Variants in RNASEH2B observed in about 807,000 individuals in gnomAD.
The protein encoded by RNASEH2B is ribonuclease H2 subunit B.
A neutral mutation model predicts 45.0 loss-of-function variants in RNASEH2B; 36 were observed. The ratio of observed to expected loss-of-function variants is 0.80; its 90% confidence interval spans 0.61 to 1.06. The LOEUF (loss-of-function observed/expected upper bound fraction) is 1.06, where lower values mean the gene tolerates loss of function less well. RNASEH2B is among the 50% of genes least tolerant of loss of function. The pLI, the probability that RNASEH2B is intolerant of heterozygous loss-of-function variation, is 0.00. For synonymous variants in RNASEH2B, 119 were observed against 125.7 expected, an observed-to-expected ratio of 0.95 and a Z score of 0.35; for missense variants, 361 against 360.3, an observed-to-expected ratio of 1.00 and a Z score of -0.02.
intron 9 of RNASEH2B, among the ~76,000 whole-genome samples, chr13:50,966,429 T>G (rs1336007151): frequency 6.6e-6 from 1 of 152,240 alleles, no homozygotes; most frequent in Non-Finnish European, 1.5e-5. Flanking sequence ...GTGCCAAGTT[T>G]GGGAAAGCTT....
At position 50,956,624 on chromosome 13, in the gene RNASEH2B, C is replaced by A; in HGVS notation, c.*150C>A. On this transcript the variant is annotated 3_prime_UTR_variant, in exon 11 of 11. Transcript: ENST00000336617. Reference sequence around the variant, plus strand: ...TTTCTTTGCATTTGGTTTTTGTGTTCCTGAACAAAATATGGGAAAGTGTCT... The same window carrying A: ...TTTCTTTGCATTTGGTTTTTGTGTTACTGAACAAAATATGGGAAAGTGTCT... 1 of 1,449,046 alleles carries A rather than the reference C, an allele frequency of 6.9e-7. No homozygotes were observed. The highest frequency in any genetic ancestry group is 1.3e-5 in the South Asian group (1 of 75,802). The allele number at this position is 1,449,046 out of a possible 1,614,324, so 89.8% of individuals were successfully genotyped here.
intron 6 of RNASEH2B, among the ~76,000 whole-genome samples, chr13:50,943,864 G>A (rs921724303): frequency 1.3e-5 from 2 of 152,152 alleles, no homozygotes; most frequent in Non-Finnish European, 2.9e-5. Context: ...CATCTTACAG[G>A]CAAACCCTGT....
chr13:50,952,074 G>T (rs559743007), intron 9 of RNASEH2B: 3 of 152,280 alleles, frequency 2.0e-5, no homozygotes, highest in African/African-American at 7.2e-5. Context: ...GCAGAAGGTC[G>T]CTTGAGCCCA....
intron 5 of RNASEH2B, chr13:50,941,996 A>G (rs1471966394): frequency 6.6e-6 from 1 of 152,222 alleles, no homozygotes; most frequent in Non-Finnish European, 1.5e-5. Context: ...TCTCCCATAC[A>G]GTTTAACAGA....
intron 7 of RNASEH2B, among the ~76,000 whole-genome samples, chr13:50,945,953 A>G (rs576636276): frequency 2.0e-5 from 3 of 152,184 alleles, no homozygotes; most frequent in African/African-American, 7.2e-5. Context: ...CTACTTATGG[A>G]GCTTGTCTCT....
chr13:50,958,925 A>G (rs896776437), downstream of RNASEH2B, among the ~76,000 whole-genome samples: 2 of 152,082 alleles, frequency 1.3e-5, no homozygotes, highest in African/African-American at 4.8e-5. Context: ...TATTTCATGG[A>G]AAGTTTATAA....
intron 1 of RNASEH2B, among the ~76,000 whole-genome samples, chr13:50,920,325 A>G (rs1217841260): frequency 2.0e-5 from 3 of 152,168 alleles, no homozygotes; most frequent in African/African-American, 7.2e-5. Flanking sequence ...TGGGATTACA[A>G]GTGTGAGCCA....
intron 4 of RNASEH2B, 36 bp from the exon 5 acceptor site, chr13:50,934,849 A>G: frequency 7.2e-7 from 1 of 1,385,084 alleles, no homozygotes; most frequent in South Asian, 1.2e-5. Flanking sequence ...TCTTTGTTGA[A>G]TGAAATGCTT....
chr13:50,964,969 C>T (rs1952150294), intron 9 of RNASEH2B, among the ~76,000 whole-genome samples: 1 of 152,194 alleles, frequency 6.6e-6, no homozygotes, highest in African/African-American at 2.4e-5. Context: ...TCAGTACTCT[C>T]CATACCATTT....
In RNASEH2B at chr13:50,956,651, A is replaced by G. The variant is rs1251546789; in HGVS notation, c.*177A>G. The G allele has an allele frequency of 7.2e-7, 1 of 1,390,222 alleles. No individual in the cohort carries two copies. Among genetic ancestry groups the G allele is most frequent in the East Asian group, 3.0e-5 (1 of 32,922 alleles). The allele number at this position is 1,390,222 out of a possible 1,614,324, so 86.1% of individuals were successfully genotyped here. A position where few individuals can be genotyped will look rare whatever the true frequency, so the allele number is the denominator to read the frequency against. On this transcript the variant is annotated 3_prime_UTR_variant, in exon 11 of 11. Transcript: ENST00000336617. ...TGAACAAAATATGGGAAAGTGTCTA[A>G]CTTCATGGCTATGGCCTTTTGGAGT...
chr13:50,964,743 C>A (rs1411449413), intron 9 of RNASEH2B, among the ~76,000 whole-genome samples: 1 of 152,172 alleles, frequency 6.6e-6, no homozygotes, highest in Non-Finnish European at 1.5e-5. Flanking sequence ...CTTTATCTAC[C>A]TTTAAAGTGC....
chr13:50,927,315 A>G, intron 1 of RNASEH2B, 92 bp from the exon 2 acceptor site: 1 of 791,136 alleles, frequency 1.3e-6, no homozygotes, highest in Non-Finnish European at 2.2e-6. Context: ...TACAAAAGTC[A>G]TATAAGTAGA....
intron 6 of RNASEH2B, 49 bp from the exon 7 acceptor site, chr13:50,945,378 A>AAAGTT (rs763470120): frequency 1.5e-6 from 2 of 1,319,014 alleles, no homozygotes; most frequent in South Asian, 2.4e-5. Flanking sequence ...ATAGATTTCT[A>AAAGTT]AAGTTAAGTT....
At chr13:50,963,521 C>T (rs1190950471) in intron 9 of RNASEH2B, among the ~76,000 whole-genome samples, 1 of 152,042 alleles carries the variant, frequency 6.6e-6, no homozygotes, top group Non-Finnish European at 1.5e-5. Context: ...TATGTCTTCC[C>T]GTATCTGTTC....
At chr13:50,918,726 T>A (rs1426791321) in intron 1 of RNASEH2B, among the ~76,000 whole-genome samples, 2 of 152,174 alleles carry the variant, frequency 1.3e-5, no homozygotes, top group Non-Finnish European at 2.9e-5. Flanking sequence ...GCATGCATTG[T>A]ATTTGTGTCC....
intron 1 of RNASEH2B, 104 bp downstream of exon 1, chr13:50,910,244 C>A (rs959674825): frequency 1.6e-4 from 122 of 747,014 alleles, no homozygotes; most frequent in Non-Finnish European, 2.3e-4. Flanking sequence ...ACTACCCGGC[C>A]CGGCGCGGGA....
chr13:50,954,021 A>C (rs1445784880), intron 10 of RNASEH2B, 36 bp downstream of exon 10: 1 of 1,269,796 alleles, frequency 7.9e-7, no homozygotes, highest in East Asian at 2.3e-5. Context: ...TTTCGTTCAT[A>C]CTCAGTGCGT....
At chr13:50,921,898 G>C (rs939158885) in intron 1 of RNASEH2B, among the ~76,000 whole-genome samples, 1 of 152,184 alleles carries the variant, frequency 6.6e-6, no homozygotes, top group Admixed American at 6.5e-5. Context: ...CCTCAGCTCT[G>C]CAATAGCCTT....
chr13:50,937,366 C>T (rs9535534), intron 5 of RNASEH2B: 93,684 of 151,854 alleles, frequency 0.62, 29,453 homozygotes, highest in African/African-American at 0.71. Context: ...AGACCACAGG[C>T]ACAAGCCACC....
Sources: gnomAD v4.1 joint callset for allele counts (sites outside exome capture counted in the v4.1 genomes callset) on GRCh38, gnomAD v4.1.1 for gene constraint, MANE v1.5 for transcripts, NCBI Gene and HGNC (gene_info 2026-07-23, HGNC 2026-07-21) for gene names.